Variants in C16orf78 observed in about 807,000 individuals in gnomAD.
C16orf78 encodes chromosome 16 open reading frame 78.
Under a neutral mutation model 27.3 loss-of-function variants are expected in C16orf78, and 19 were observed. The observed-to-expected ratio is 0.70, with a 90% CI of 0.49 to 1.02. The LOEUF (loss-of-function observed/expected upper bound fraction) is 1.02, where lower values mean the gene tolerates loss of function less well. Among genes scored for constraint, C16orf78 ranks in the 50% least tolerant of loss-of-function variants. C16orf78 has a pLI of 0.00. For synonymous variants in C16orf78, 130 were observed against 116.1 expected, an observed-to-expected ratio of 1.12 and a Z score of -0.77; for missense variants, 339 against 337.0, an observed-to-expected ratio of 1.01 and a Z score of -0.05.
At chr16:49,374,655 C>T (rs899885085) in intron 1 of C16orf78, among the ~76,000 whole-genome samples, 2 of 152,192 alleles carry the variant, frequency 1.3e-5, no homozygotes, top group African/African-American at 4.8e-5. Context: ...GCCCTCAGCT[C>T]TTCTCTCCTT....
At position 49,386,621 on chromosome 16, in the gene C16orf78, C is replaced by T. The variant is rs1965354784; in HGVS notation, c.394+8028C>T. ...CCCACCCTCCACCCTCAGGTAGGCCCCAGTTTCCTTTGTTCCCCTCTATGT... is the reference window on the plus strand; with the variant it reads ...CCCACCCTCCACCCTCAGGTAGGCCTCAGTTTCCTTTGTTCCCCTCTATGT... On this transcript the variant is annotated intron_variant, in intron 3 of 4. Transcript: ENST00000299191. 2.6e-5 allele frequency among the ~76,000 whole-genome samples: 4 copies of T among 152,260 alleles called. No individual in the cohort carries two copies. The South Asian group carries it at 8.3e-4, about 32-fold the overall frequency.
At chr16:49,381,837 A>G (rs1053788081) in intron 3 of C16orf78, among the ~76,000 whole-genome samples, 1 of 152,222 alleles carries the variant, frequency 6.6e-6, no homozygotes, top group Non-Finnish European at 1.5e-5. Context: ...TAGTCCAACC[A>G]TTGTGGAAGT....
chr16:49,393,387 G>C (rs985471479), intron 3 of C16orf78, among the ~76,000 whole-genome samples: 1 of 152,106 alleles, frequency 6.6e-6, no homozygotes, highest in Non-Finnish European at 1.5e-5. Context: ...AAAATCACCT[G>C]TGTGCTTTGT....
chr16:49,376,206 A>C (rs1254842314), intron 1 of C16orf78, among the ~76,000 whole-genome samples: 1 of 152,180 alleles, frequency 6.6e-6, no homozygotes, highest in African/African-American at 2.4e-5. Flanking sequence ...CTGGGGTCTG[A>C]CCTGGCCATC....
intron 3 of C16orf78, among the ~76,000 whole-genome samples, chr16:49,382,890 C>G (rs1596923373): frequency 6.6e-6 from 1 of 152,326 alleles, no homozygotes; most frequent in African/African-American, 2.4e-5. Context: ...TTGTCTGTTT[C>G]ACACTCAAAG....
At chr16:49,384,346 CAAAAAAAA>C (rs771147270) in intron 3 of C16orf78, among the ~76,000 whole-genome samples, 1 of 50,966 alleles carries the variant, frequency 2.0e-5, no homozygotes, top group Admixed American at 2.4e-4. Flanking sequence ...AAAACTCCAT[CAAAAAAAA>C]AAAAAAAAAA....
intron 3 of C16orf78, among the ~76,000 whole-genome samples, chr16:49,379,591 C>T (rs995102995): frequency 4.6e-5 from 7 of 151,924 alleles, no homozygotes; most frequent in African/African-American, 1.7e-4. Flanking sequence ...GCTTTCAGTG[C>T]AGTTTAGGAT....
In C16orf78 at chr16:49,399,233, A is replaced by G. The variant is rs916317209; in HGVS notation, c.753A>G (p.Ile251Met). The part of the protein sequence containing the change: ...DIHPHMVEED[I>M]DAKKVFTGIP... ...ACCCCCACATGGTCGAAGAGGACATAGATGCTAAAAAGGTGTTCACCGGAA... is the reference window on the plus strand; with the variant it reads ...ACCCCCACATGGTCGAAGAGGACATGGATGCTAAAAAGGTGTTCACCGGAA... Residue 251 changes from isoleucine (I) to methionine (M), a missense_variant, in exon 5 of 5, where the codon ATA becomes ATG. Coordinates refer to ENST00000299191, the MANE Select transcript of C16orf78 (RefSeq NM_144602.4). The G allele has an allele frequency of 6.2e-7, 1 of 1,614,212 alleles. No individual in the cohort carries two copies. Among genetic ancestry groups the G allele is most frequent in the Non-Finnish European group, 8.5e-7 (1 of 1,180,036 alleles).
rs1265319023 is a variant in C16orf78, at chr16:49,396,592, C to T, written c.564C>T (p.Arg188=). The T allele has an allele frequency of 1.2e-6, 2 of 1,614,156 alleles. No homozygotes were observed. Among genetic ancestry groups the T allele is most frequent in the Non-Finnish European group, 8.5e-7 (1 of 1,180,026 alleles). ...AGATGCCTGACATGGCTTACGAACG[C>T]AAGCTAAAGAGCCTCATGGAGAAAA... ...SNKMPDMAYE[R]KLKSLMEKST... is the part of the protein sequence containing the mutation. Residue 188 remains arginine (R), a synonymous_variant, in exon 4 of 5, where the codon CGC becomes CGT. Coordinates refer to ENST00000299191, the MANE Select transcript of C16orf78 (RefSeq NM_144602.4).
chr16:49,374,915 C>T (rs1158525050), intron 1 of C16orf78, among the ~76,000 whole-genome samples: 1 of 152,126 alleles, frequency 6.6e-6, no homozygotes, highest in African/African-American at 2.4e-5. Context: ...GCCACCTGGT[C>T]TTGAATCTCC....
intron 3 of C16orf78, among the ~76,000 whole-genome samples, chr16:49,390,811 C>A (rs1170221289): frequency 6.6e-6 from 1 of 152,226 alleles, no homozygotes; most frequent in African/African-American, 2.4e-5. Context: ...TCTGGTTTCT[C>A]TCCCCAACTC....
chr16:49,378,604 A>T lies in C16orf78; in HGVS notation c.394+11A>T. 1.2e-6 allele frequency: 2 copies of T among 1,613,762 alleles called. No individual in the cohort carries two copies. The highest frequency in any genetic ancestry group is 1.6e-4 in the Middle Eastern group (1 of 6,062). ...GCCCCAAGAAATCTGGTAAGGGAAA[A>T]ACCTTGGCCCCGGCCACCAGAATCC... On this transcript the variant is annotated intron_variant, in intron 3 of 4. Transcript: ENST00000299191.
chr16:49,375,357 A>C (rs1380854299), intron 1 of C16orf78, among the ~76,000 whole-genome samples: 2 of 152,164 alleles, frequency 1.3e-5, no homozygotes, highest in African/African-American at 4.8e-5. Context: ...AAAATGTTTA[A>C]TTGGCTCATG....
At position 49,399,213 on chromosome 16, in the gene C16orf78, C is replaced by G. The variant is rs768529256; in HGVS notation, c.733C>G (p.His245Asp). The G allele has an allele frequency of 7.4e-6, 12 of 1,614,152 alleles. No homozygotes were observed. In the Middle Eastern group the frequency reaches 6.6e-4, roughly 89 times the overall value. Residue 245 changes from histidine (H) to aspartate (D), a missense_variant, in exon 5 of 5, where the codon CAC (histidine) becomes GAC (aspartate). By Grantham distance (81) the His-to-Asp change is moderately conservative (BLOSUM62 -1). Transcript: ENST00000299191. ...AGGAATGAATGTGGATATCCACCCCCACATGGTCGAAGAGGACATAGATGC... is the reference window on the plus strand; with the variant it reads ...AGGAATGAATGTGGATATCCACCCCGACATGGTCGAAGAGGACATAGATGC... ...DAGMNVDIHPHMVEEDIDAKK... is the reference protein window; with the variant it reads ...DAGMNVDIHPDMVEEDIDAKK...
intron 4 of C16orf78, among the ~76,000 whole-genome samples, chr16:49,397,592 GGCC>G (rs1965489349): frequency 6.6e-6 from 1 of 152,120 alleles, no homozygotes; most frequent in African/African-American, 2.4e-5. Context: ...CTTTCAGATG[GGCC>G]ATGTGGTTCT....
intron 3 of C16orf78, among the ~76,000 whole-genome samples, chr16:49,391,187 T>C (rs1019973541): frequency 2.0e-5 from 3 of 152,168 alleles, no homozygotes; most frequent in Non-Finnish European, 2.9e-5. Context: ...TTTAGAAAGG[T>C]TGCTCTGGCT....
intron 1 of C16orf78, among the ~76,000 whole-genome samples, chr16:49,375,704 T>C (rs1172157905): frequency 1.3e-5 from 2 of 152,146 alleles, no homozygotes; most frequent in Non-Finnish European, 2.9e-5. Context: ...GTCAGAAAGA[T>C]CTCGAGTGCC....
chr16:49,380,237 G>A (rs1296995650), intron 3 of C16orf78, among the ~76,000 whole-genome samples: 1 of 152,164 alleles, frequency 6.6e-6, no homozygotes, highest in South Asian at 2.1e-4. Context: ...ATGGCCTACT[G>A]TGGGACCTCA....
At chr16:49,376,089 T>G (rs565643055) in intron 1 of C16orf78, among the ~76,000 whole-genome samples, 1 of 152,302 alleles carries the variant, frequency 6.6e-6, no homozygotes. Flanking sequence ...GAAGATGATG[T>G]GTGCTGGCAG....
Sources: allele counts gnomAD v4.1 joint callset (sites outside exome capture counted in the v4.1 genomes callset), GRCh38; gene constraint gnomAD v4.1.1; transcripts MANE v1.5; gene names NCBI Gene and HGNC (gene_info 2026-07-23, HGNC 2026-07-21).